RPS6KA3: variants seen among roughly 807,000 people sequenced by gnomAD.
The protein encoded by RPS6KA3 is ribosomal protein S6 kinase A3, also known as ribosomal protein S6 kinase alpha-3.
A neutral mutation model predicts 67.2 loss-of-function variants in RPS6KA3; 4 were observed. The ratio of observed to expected loss-of-function variants is 0.06; its 90% CI spans 0.03 to 0.14. RPS6KA3 has a LOEUF of 0.14. Ranked by LOEUF, RPS6KA3 falls within the 10% of genes least tolerant of loss-of-function variation. The pLI is 1.00. For missense variants in RPS6KA3, 204 were observed against 559.0 expected, an observed-to-expected ratio of 0.36 and a Z score of 6.40; for synonymous variants, 182 against 183.7, an observed-to-expected ratio of 0.99 and a Z score of 0.07.
intron 20 of RPS6KA3, among the ~76,000 whole-genome samples, chrX:20,157,938 C>T (rs1261012749): frequency 9.0e-6 from 1 of 111,281 alleles, no homozygotes; most frequent in African/African-American, 3.3e-5. Flanking sequence ...CAGGAAAGTC[C>T]CTGTAAGCCA....
rs1402406602 is a variant in RPS6KA3 at position 20,152,364 on chromosome X, G to A, written c.*3034C>T. ...CTTCATTTAACATCATCACTTGAAA[G>A]GGAAGATACAAAACACATGGTAGTG... On this transcript the variant is annotated 3_prime_UTR_variant, in exon 22 of 22. Coordinates refer to ENST00000379565, the MANE Select transcript of RPS6KA3 (RefSeq NM_004586.3). The A allele has an allele frequency of 8.9e-6, 1 of 112,665 alleles. No individual in the cohort carries two copies. The highest frequency in any genetic ancestry group is 1.9e-5 in the Non-Finnish European group (1 of 53,309). 9.3% of individuals were successfully genotyped at this position (112,665 alleles called of 1,213,427 possible). A position where few individuals can be genotyped will look rare whatever the true frequency, so the allele number is the denominator to read the frequency against.
At chrX:20,169,317 C>A in intron 16 of RPS6KA3, 85 bp downstream of exon 16, 1 of 665,142 alleles carries the variant, frequency 1.5e-6, no homozygotes, top group South Asian at 2.2e-5. Flanking sequence ...AGTTCTTTGT[C>A]TACCACATGA....
intron 10 of RPS6KA3, among the ~76,000 whole-genome samples, chrX:20,181,315 TAA>T (rs1198184243): frequency 3.6e-5 from 4 of 111,220 alleles, no homozygotes; most frequent in Non-Finnish European, 7.5e-5. Context: ...AGAAATCATG[TAA>T]AAGAGACCAA....
intron 17 of RPS6KA3, among the ~76,000 whole-genome samples, chrX:20,167,316 G>C (rs1249640666): frequency 9.0e-6 from 1 of 111,639 alleles, no homozygotes. Flanking sequence ...TGAGTACAGA[G>C]TGACCTAGCA....
At chrX:20,233,618 G>C (rs986984820) in intron 2 of RPS6KA3, among the ~76,000 whole-genome samples, 3 of 109,836 alleles carry the variant, frequency 2.7e-5, no homozygotes, top group African/African-American at 1.0e-4. Context: ...GGGTGTCGTG[G>C]CATGTGCCTG....
intron 2 of RPS6KA3, among the ~76,000 whole-genome samples, chrX:20,217,213 T>C (rs2068878454): frequency 8.9e-6 from 1 of 112,199 alleles, no homozygotes; most frequent in South Asian, 3.7e-4. Context: ...TCCTTAGGTT[T>C]ATACCTCAAT....
intron 1 of RPS6KA3, among the ~76,000 whole-genome samples, chrX:20,256,185 AAAAAAAAAAAAAAAG>A (rs2070053753): frequency 1.9e-5 from 2 of 103,903 alleles, no homozygotes; most frequent in African/African-American, 7.0e-5. Context: ...AAAAAAAAAA[AAAAAAAAAAAAAAAG>A]AAAAAAAAAA....
chrX:20,254,317 T>G (rs771655381), intron 1 of RPS6KA3, among the ~76,000 whole-genome samples: 1 of 112,235 alleles, frequency 8.9e-6, no homozygotes, highest in Non-Finnish European at 1.9e-5. Flanking sequence ...TAGACTAGTT[T>G]AGGCCGAGGA....
At chrX:20,225,239 T>TTTTTG (rs1555957070) in intron 2 of RPS6KA3, among the ~76,000 whole-genome samples, 1 of 92,813 alleles carries the variant, frequency 1.1e-5, no homozygotes, top group African/African-American at 4.3e-5. Flanking sequence ...GGTTTTTTTT[T>TTTTTG]TTTGTTTTTT....
At chrX:20,225,532 G>T (rs922009558) in intron 2 of RPS6KA3, among the ~76,000 whole-genome samples, 2 of 111,325 alleles carry the variant, frequency 1.8e-5, no homozygotes, top group African/African-American at 6.5e-5. Context: ...ATGAGAGTTA[G>T]AACGGCAGAC....
intron 18 of RPS6KA3, among the ~76,000 whole-genome samples, chrX:20,164,136 G>A (rs1453168189): frequency 9.0e-6 from 1 of 111,403 alleles, no homozygotes; most frequent in Non-Finnish European, 1.9e-5. Flanking sequence ...AGGCAACAGA[G>A]GGAGACCCTG....
chrX:20,242,869 A>G (rs1435056099), intron 1 of RPS6KA3, among the ~76,000 whole-genome samples: 2 of 111,352 alleles, frequency 1.8e-5, no homozygotes, highest in Non-Finnish European at 3.8e-5. Context: ...AAGATTGGCC[A>G]TGAGTTTGAT....
At chrX:20,177,834 G>A (rs2067738029) in intron 10 of RPS6KA3, among the ~76,000 whole-genome samples, 1 of 112,183 alleles carries the variant, frequency 8.9e-6, no homozygotes, top group Non-Finnish European at 1.9e-5. Context: ...CCCTTTAACA[G>A]CCCCTGAAGG....
rs1417214486 is a variant in RPS6KA3, at chrX:20,168,330, T to C, written c.1444-583A>G. Among the ~76,000 whole-genome samples, 3 of 111,835 alleles carry C rather than the reference T, an allele frequency of 2.7e-5. No homozygotes were observed. In the Admixed American group the frequency reaches 2.9e-4, roughly 11 times the overall value. ...CCTTAGCAAAATCTTATATGTGTGGTAGTTAGCCAGGTAAAGAAAATAGAT... is the reference window on the plus strand; with the variant it reads ...CCTTAGCAAAATCTTATATGTGTGGCAGTTAGCCAGGTAAAGAAAATAGAT... On this transcript the variant is annotated intron_variant, in intron 16 of 21. Transcript: ENST00000379565.
At chrX:20,254,949 G>A (rs1044964532) in intron 1 of RPS6KA3, among the ~76,000 whole-genome samples, 1 of 112,044 alleles carries the variant, frequency 8.9e-6, no homozygotes, top group Non-Finnish European at 1.9e-5. Context: ...GCTAAACATA[G>A]ATTTACCATA....
intron 17 of RPS6KA3, among the ~76,000 whole-genome samples, chrX:20,165,455 G>T (rs887348029): frequency 2.3e-4 from 26 of 111,581 alleles, no homozygotes; most frequent in Admixed American, 9.6e-4. Flanking sequence ...TCCATGCTAG[G>T]AGCTTACACA....
chrX:20,247,630 C>T (rs1274019113), intron 1 of RPS6KA3, among the ~76,000 whole-genome samples: 1 of 109,103 alleles, frequency 9.2e-6, no homozygotes, highest in East Asian at 2.9e-4. Context: ...ACTAAAAACA[C>T]AAAAAAATTA....
At chrX:20,220,893 T>G (rs2068972496) in intron 2 of RPS6KA3, among the ~76,000 whole-genome samples, 1 of 111,909 alleles carries the variant, frequency 8.9e-6, no homozygotes, top group Non-Finnish European at 1.9e-5. Context: ...GCTACCTGTT[T>G]GGAGAATGCA....
intron 1 of RPS6KA3, among the ~76,000 whole-genome samples, chrX:20,247,493 C>T (rs1165752189): frequency 9.1e-6 from 1 of 109,669 alleles, no homozygotes; most frequent in East Asian, 2.9e-4. Flanking sequence ...TTTTTAAAAA[C>T]GAAAAATCTG....
Sources: gnomAD v4.1 joint callset for allele counts (sites outside exome capture counted in the v4.1 genomes callset) on GRCh38, gnomAD v4.1.1 for gene constraint, MANE v1.5 for transcripts, NCBI Gene and HGNC (gene_info 2026-07-23, HGNC 2026-07-21) for gene names.